Variants in SRGAP2C observed in about 807,000 individuals in gnomAD.
SRGAP2C encodes SLIT-ROBO Rho GTPase activating protein 2C, also known as SLIT-ROBO Rho GTPase-activating protein 2C.
In SRGAP2C, 15 loss-of-function variants were observed where a neutral mutation model predicts 25.1. The ratio of observed to expected loss-of-function variants is 0.60; its 90% CI spans 0.40 to 0.92. The LOEUF (loss-of-function observed/expected upper bound fraction) is 0.92. Among genes scored for constraint, SRGAP2C ranks in the 40% least tolerant of loss-of-function variants. The probability of loss-of-function intolerance (pLI) is 0.00; values close to 1 mark genes in which losing one functional copy is unlikely to be tolerated. For missense variants in SRGAP2C, 144 were observed against 264.4 expected, an observed-to-expected ratio of 0.54 and a Z score of 3.16; for synonymous variants, 44 against 96.6, an observed-to-expected ratio of 0.46 and a Z score of 3.19.
intron 4 of SRGAP2C, among the ~76,000 whole-genome samples, chr1:121,345,775 C>T (rs1326139876): frequency 6.6e-6 from 1 of 150,388 alleles, no homozygotes; most frequent in Non-Finnish European, 1.5e-5. Flanking sequence ...CCTCAGCCTC[C>T]TGAGTAGCTG....
At chr1:121,302,251 T>A (rs1276054543) in intron 3 of SRGAP2C, among the ~76,000 whole-genome samples, 1 of 150,772 alleles carries the variant, frequency 6.6e-6, no homozygotes, top group Non-Finnish European at 1.5e-5. Flanking sequence ...TAATATACAC[T>A]TACTGCCAAA....
chr1:121,315,290 C>T (rs1553340500), intron 3 of SRGAP2C, among the ~76,000 whole-genome samples: 49 of 151,976 alleles, frequency 3.2e-4, no homozygotes, highest in African/African-American at 9.9e-4. Flanking sequence ...AGTACAGGCA[C>T]GTGTCACCAT....
chr1:121,315,116 C>T lies in SRGAP2C; in HGVS notation c.261-9362C>T, dbSNP rs1259310371. On this transcript the variant is annotated intron_variant, in intron 3 of 9. Coordinates refer to ENST00000367123, the MANE Select transcript of SRGAP2C (RefSeq NM_001329984.2). ...GCGAAGGTCTCTGGTGCAGGCGGCA[C>T]GGCTCTGTGTCCTCCCTCTACCTCC... The T allele has an allele frequency of 1.9e-4, 92 of 480,184 alleles. 9 individuals carry two copies. The highest frequency in any genetic ancestry group is 6.9e-4 in the South Asian group (38 of 54,814). The allele number at this position is 480,184 out of a possible 1,614,324, so 29.7% of individuals were successfully genotyped here.
intron 2 of SRGAP2C, among the ~76,000 whole-genome samples, chr1:121,192,086 A>G (rs1236549538): frequency 2.0e-5 from 3 of 151,880 alleles, no homozygotes; most frequent in Non-Finnish European, 4.4e-5. Flanking sequence ...CATATTGTGT[A>G]TGTATATATA....
At chr1:121,206,222 C>T (rs1396382753) in intron 2 of SRGAP2C, among the ~76,000 whole-genome samples, 1 of 152,028 alleles carries the variant, frequency 6.6e-6, no homozygotes, top group Non-Finnish European at 1.5e-5. Context: ...CCCCAGACTA[C>T]ACTCACTACC....
intron 3 of SRGAP2C, among the ~76,000 whole-genome samples, chr1:121,287,878 A>G (rs1486526143): frequency 6.6e-6 from 1 of 151,470 alleles, no homozygotes; most frequent in Admixed American, 6.6e-5. Context: ...GGAGTTGTTC[A>G]TTCCTCCCGG....
At chr1:121,347,355 T>C (rs1197562883) in intron 4 of SRGAP2C, among the ~76,000 whole-genome samples, 1 of 118,008 alleles carries the variant, frequency 8.5e-6, no homozygotes, top group Non-Finnish European at 1.7e-5. Context: ...CTAGAAACAG[T>C]ACTGATGAGT....
At chr1:121,350,811 C>T (rs1350652385) in intron 4 of SRGAP2C, among the ~76,000 whole-genome samples, 32 of 150,708 alleles carry the variant, frequency 2.1e-4, no homozygotes, top group Non-Finnish European at 3.7e-4. Flanking sequence ...GAAAAGACAG[C>T]TATAGAATGA....
intron 2 of SRGAP2C, among the ~76,000 whole-genome samples, chr1:121,213,903 ACCT>A (rs1440608180): frequency 7.2e-6 from 1 of 139,628 alleles, no homozygotes; most frequent in Non-Finnish European, 1.5e-5. Context: ...AATTATAGTT[ACCT>A]CCTATTTGCT....
intron 2 of SRGAP2C, among the ~76,000 whole-genome samples, chr1:121,231,738 G>A (rs1329995730): frequency 4.4e-5 from 6 of 136,908 alleles, no homozygotes; most frequent in Non-Finnish European, 9.4e-5. Context: ...TAAAGCTGTA[G>A]GGGTCAATCT....
At chr1:121,370,793 C>T (rs1436503255) in intron 5 of SRGAP2C, among the ~76,000 whole-genome samples, 1 of 149,652 alleles carries the variant, frequency 6.7e-6, no homozygotes, top group Non-Finnish European at 1.5e-5. Flanking sequence ...TACCTTCATC[C>T]CACTGCTACT....
chr1:121,374,954 T>G lies in SRGAP2C; in HGVS notation c.831T>G (p.Asp277Glu). ...YYIHDLSDLIDQCCDLGYHAS... is the reference protein window; with the variant it reads ...YYIHDLSDLIEQCCDLGYHAS... ...TCCATGACCTATCTGACCTTATTGA[T>G]GTAAGTGCTTAAAGCCAAGGGCCTG... The change falls in exon 7 of 10, where the codon GAT becomes GAG. Residue 277 changes from aspartate (D) to glutamate (E), a missense_variant and splice_region_variant. Physicochemically the swap from Asp to Glu is conservative, Grantham distance 45. Transcript: ENST00000367123. 1.3e-6 allele frequency: 1 copy of G among 777,220 alleles called. No individual in the cohort carries two copies. The highest frequency in any genetic ancestry group is 2.4e-5 in the East Asian group (1 of 41,178). The allele number at this position is 777,220 out of a possible 1,614,324, so 48.1% of individuals were successfully genotyped here. A position where few individuals can be genotyped will look rare whatever the true frequency, so the allele number is the denominator to read the frequency against.
chr1:121,374,676 A>T, intron 6 of SRGAP2C, 150 bp from the exon 7 acceptor site: 1 of 605,482 alleles, frequency 1.7e-6, no homozygotes, highest in Non-Finnish European at 3.0e-6. Context: ...CTTGAATCTC[A>T]TTAAACAGAA....
rs1293749726 is a variant in SRGAP2C, at chr1:121,318,006, C to T, written c.261-6472C>T. ...CCTCCTCTGATCTCATTGCTGGCAA[C>T]GCTGAAGCCAAAGCTGTGATAAGCC... On this transcript the variant is annotated intron_variant, in intron 3 of 9. Coordinates refer to ENST00000367123, the MANE Select transcript of SRGAP2C (RefSeq NM_001329984.2). 1.0e-3 allele frequency among the ~76,000 whole-genome samples: 76 copies of T among 75,202 alleles called. 32 individuals carry two copies. The highest frequency in any genetic ancestry group is 6.7e-4 in the South Asian group (2 of 3,000). The allele number at this position is 75,202 out of a possible 152,430, so 49.3% of individuals were successfully genotyped here.
intron 4 of SRGAP2C, among the ~76,000 whole-genome samples, chr1:121,351,102 G>T (rs1457729593): frequency 6.6e-6 from 1 of 151,164 alleles, no homozygotes; most frequent in African/African-American, 2.4e-5. Flanking sequence ...GGAAAGAAGA[G>T]TTTTGGAGAG....
chr1:121,363,729 A>G (rs1301622717), intron 4 of SRGAP2C, among the ~76,000 whole-genome samples: 6 of 152,272 alleles, frequency 3.9e-5, no homozygotes, highest in African/African-American at 7.2e-5. Context: ...AGAACATATT[A>G]TAATGCTATA....
intron 2 of SRGAP2C, among the ~76,000 whole-genome samples, chr1:121,273,172 G>A (rs1304926960): frequency 7.6e-6 from 1 of 131,696 alleles, no homozygotes; most frequent in Non-Finnish European, 1.7e-5. Context: ...GACTCAATAG[G>A]AGCCTACTTG....
At chr1:121,198,083 A>G (rs1277840238) in intron 2 of SRGAP2C, among the ~76,000 whole-genome samples, 2 of 37,506 alleles carry the variant, frequency 5.3e-5, no homozygotes, top group Non-Finnish European at 1.0e-4. Context: ...GTCCTAAGGA[A>G]CAAGCAGGAA....
Position 121,323,980 on chromosome 1 carries a change from G to T in SRGAP2C, c.261-498G>T, listed in dbSNP as rs1658266516. On this transcript the variant is annotated intron_variant, in intron 3 of 9. Coordinates refer to ENST00000367123, the MANE Select transcript of SRGAP2C (RefSeq NM_001329984.2). Reference sequence around the variant, plus strand: ...AAATGACTTAGTGGCTAAAATGATGGACTTCAGAATCACCTTAGACCTGGT... The same window carrying T: ...AAATGACTTAGTGGCTAAAATGATGTACTTCAGAATCACCTTAGACCTGGT... 2.0e-5 allele frequency among the ~76,000 whole-genome samples: 3 copies of T among 152,174 alleles called. No homozygotes were observed. The South Asian group carries it at 6.2e-4, about 32-fold the overall frequency.
Sources: allele counts gnomAD v4.1 joint callset (sites outside exome capture counted in the v4.1 genomes callset), GRCh38; gene constraint gnomAD v4.1.1; transcripts MANE v1.5; gene names NCBI Gene and HGNC (gene_info 2026-07-23, HGNC 2026-07-21).